The following RNGTT variants were observed in gnomAD, a reference collection of about 807,000 sequenced individuals.
RNGTT encodes the protein RNA guanylyltransferase and 5'-phosphatase, also known as mRNA-capping enzyme.
RNGTT carries 33 observed loss-of-function variants against 79.3 expected under a neutral mutation model. The ratio of observed to expected loss-of-function variants is 0.42; its 90% confidence interval spans 0.32 to 0.56. RNGTT has a LOEUF of 0.56. Ranked by LOEUF, RNGTT falls within the 20% of genes least tolerant of loss-of-function variation. RNGTT has a pLI of 0.17. For missense variants in RNGTT, 497 were observed against 739.1 expected, an observed-to-expected ratio of 0.67 and a Z score of 3.80; for synonymous variants, 222 against 235.9, an observed-to-expected ratio of 0.94 and a Z score of 0.54.
At chr6:88,919,421 T>C (rs890368385) in intron 4 of RNGTT, among the ~76,000 whole-genome samples, 3 of 152,184 alleles carry the variant, frequency 2.0e-5, no homozygotes, top group African/African-American at 7.2e-5. Context: ...GCTATACATG[T>C]TGGGGCAGTT....
intron 14 of RNGTT, among the ~76,000 whole-genome samples, chr6:88,621,702 C>G (rs936894874): frequency 3.3e-5 from 5 of 151,958 alleles, no homozygotes; most frequent in African/African-American, 9.7e-5. Context: ...TTAGTTTGGA[C>G]TAAGCTCCTA....
At chr6:88,634,325 G>A (rs961619994) in intron 14 of RNGTT, among the ~76,000 whole-genome samples, 7 of 152,100 alleles carry the variant, frequency 4.6e-5, no homozygotes, top group Admixed American at 1.3e-4. Flanking sequence ...AGTCTAAAAT[G>A]AGCCTAAATT....
At chr6:88,802,661 C>T (rs571696427) in intron 11 of RNGTT, among the ~76,000 whole-genome samples, 2 of 152,252 alleles carry the variant, frequency 1.3e-5, no homozygotes, top group East Asian at 3.9e-4. Flanking sequence ...GGTGGCCTCA[C>T]AGTCATGGCA....
rs902126896 is a variant in RNGTT at position 88,611,589 on chromosome 6, A to G, written c.*1130T>C. The G allele has an allele frequency of 6.6e-6, 1 of 152,384 alleles. No homozygotes were observed. Among genetic ancestry groups the G allele is most frequent in the Admixed American group, 6.5e-5 (1 of 15,286 alleles). The allele number at this position is 152,384 out of a possible 1,614,324, so 9.4% of individuals were successfully genotyped here. On this transcript the variant is annotated 3_prime_UTR_variant, in exon 16 of 16. Transcript: ENST00000369485. ...TTTAAAATTCAGATGTATAACAGAA[A>G]TAACATCCGCAGAATAGAATGTAGA...
rs1781916991 is a variant in RNGTT, at chr6:88,858,761, A to G, written c.897-4997T>C. On this transcript the variant is annotated intron_variant, in intron 8 of 15. Transcript: ENST00000369485. ...CCCTCTACAGTATACTAACCCTCAC[A>G]TTCAATATGTAGGAGTCAACCCAGC... is the stretch of plus-strand genomic sequence containing the variant. Among the ~76,000 whole-genome samples the G allele has an allele frequency of 2.0e-5, 3 of 152,136 alleles. No homozygotes were observed. The South Asian group carries it at 6.2e-4, about 32-fold the overall frequency.
intron 13 of RNGTT, among the ~76,000 whole-genome samples, chr6:88,724,685 T>C (rs1055991919): frequency 1.3e-5 from 2 of 152,216 alleles, no homozygotes; most frequent in Non-Finnish European, 2.9e-5. Context: ...TTGTCAGGCA[T>C]GAGTTCTAAA....
chr6:88,624,154 A>T (rs9444636), intron 14 of RNGTT, among the ~76,000 whole-genome samples: 4,557 of 152,048 alleles, frequency 0.03, 230 homozygotes, highest in African/African-American at 0.1. Flanking sequence ...TCAATATTGT[A>T]AAGATGTCAA....
At chr6:88,872,819 A>C (rs1782399667) in intron 8 of RNGTT, among the ~76,000 whole-genome samples, 1 of 152,184 alleles carries the variant, frequency 6.6e-6, no homozygotes, top group Non-Finnish European at 1.5e-5. Context: ...GCATGCACAG[A>C]GGTAGCAGGA....
rs1227166936 is a variant in RNGTT at position 88,701,060 on chromosome 6, TG to T, written c.1440-22642del. ...AAATGGTATATGCATGAAAGAAGAA[TG>T]TATGTATGAATGTTACGTATGGAAG... On this transcript the variant is annotated intron_variant, in intron 13 of 15. Coordinates refer to ENST00000369485, the MANE Select transcript of RNGTT (RefSeq NM_003800.5). Among the ~76,000 whole-genome samples the T allele has an allele frequency of 2.0e-5, 3 of 151,384 alleles. No homozygotes were observed. In the East Asian group the frequency reaches 5.8e-4, roughly 29 times the overall value.
At chr6:88,831,978 T>C (rs1400614044) in intron 11 of RNGTT, among the ~76,000 whole-genome samples, 3 of 152,160 alleles carry the variant, frequency 2.0e-5, no homozygotes, top group Non-Finnish European at 4.4e-5. Context: ...TGCTCACAGA[T>C]AGGAAGAATC....
chr6:88,929,960 A>G (rs964769610), intron 2 of RNGTT, among the ~76,000 whole-genome samples: 5 of 150,264 alleles, frequency 3.3e-5, no homozygotes, highest in African/African-American at 9.7e-5. Context: ...ACACGTATAT[A>G]CATATGTATA....
intron 1 of RNGTT, among the ~76,000 whole-genome samples, chr6:88,945,912 T>C (rs1473204152): frequency 6.6e-6 from 1 of 152,222 alleles, no homozygotes; most frequent in Non-Finnish European, 1.5e-5. Flanking sequence ...ATGGAAAGAC[T>C]CTAGCGAGTT....
intron 4 of RNGTT, among the ~76,000 whole-genome samples, chr6:88,910,668 G>A (rs1407608837): frequency 1.3e-5 from 2 of 152,058 alleles, no homozygotes; most frequent in East Asian, 1.9e-4. Context: ...TATACAAAAC[G>A]ACCATCATCA....
chr6:88,749,144 A>C (rs1195266784), intron 13 of RNGTT, among the ~76,000 whole-genome samples: 2 of 152,190 alleles, frequency 1.3e-5, no homozygotes, highest in South Asian at 4.1e-4. Context: ...TCACTAAAAC[A>C]ACTGAACTTG....
chr6:88,675,572 A>C (rs976172843), intron 14 of RNGTT, among the ~76,000 whole-genome samples: 2 of 152,186 alleles, frequency 1.3e-5, no homozygotes, highest in Admixed American at 6.5e-5. Flanking sequence ...AAAGGCATCA[A>C]GATCAGAAAG....
At chr6:88,638,527 T>A (rs543563359) in intron 14 of RNGTT, among the ~76,000 whole-genome samples, 1 of 152,258 alleles carries the variant, frequency 6.6e-6, no homozygotes, top group African/African-American at 2.4e-5. Context: ...GGTATCTTTG[T>A]TGTGATAAGT....
At chr6:88,724,448 T>TC (rs1274052401) in intron 13 of RNGTT, among the ~76,000 whole-genome samples, 1 of 152,204 alleles carries the variant, frequency 6.6e-6, no homozygotes, top group Non-Finnish European at 1.5e-5. Flanking sequence ...CTAGGAGCAA[T>TC]CCGCTATGCC....
rs572805775 is a variant in RNGTT, at chr6:88,922,098, G to A, written c.367+6887C>T. Among the ~76,000 whole-genome samples, 6 of 151,746 alleles carry A rather than the reference G, an allele frequency of 4.0e-5. No homozygotes were observed. The East Asian group carries it at 1.2e-3, about 29-fold the overall frequency. On this transcript the variant is annotated intron_variant, in intron 4 of 15. Coordinates refer to ENST00000369485, the MANE Select transcript of RNGTT (RefSeq NM_003800.5). Reference sequence around the variant, plus strand: ...TATTAAATAATTTTTTAGAGACCAGGTCTGGCTATGTTGTCCAGGCTGGAC... The same window carrying A: ...TATTAAATAATTTTTTAGAGACCAGATCTGGCTATGTTGTCCAGGCTGGAC...
intron 14 of RNGTT, among the ~76,000 whole-genome samples, chr6:88,651,246 G>C (rs1773786587): frequency 6.6e-6 from 1 of 151,930 alleles, no homozygotes; most frequent in Admixed American, 6.6e-5. Flanking sequence ...ACTCAGAAAG[G>C]GTTCAAGAAC....
Sources: allele counts gnomAD v4.1 joint callset (sites outside exome capture counted in the v4.1 genomes callset), GRCh38; gene constraint gnomAD v4.1.1; transcripts MANE v1.5; gene names NCBI Gene and HGNC (gene_info 2026-07-23, HGNC 2026-07-21).